Variants in ZPLD1 observed in about 807,000 individuals in gnomAD.
ZPLD1 encodes zona pellucida-like domain-containing protein 1.
A neutral mutation model predicts 47.2 loss-of-function variants in ZPLD1; 34 were observed. The ratio of observed to expected loss-of-function variants is 0.72; its 90% confidence interval spans 0.55 to 0.96. The LOEUF is 0.96. Among genes scored for constraint, ZPLD1 ranks in the 40% least tolerant of loss-of-function variants. The pLI is 0.00. For synonymous variants in ZPLD1, 176 were observed against 186.2 expected (o/e 0.95, Z 0.45); for missense variants, 512 against 505.8 (o/e 1.01, Z -0.12).
intron 6 of ZPLD1, among the ~76,000 whole-genome samples, chr3:102,388,306 C>T (rs888161741): frequency 6.6e-6 from 1 of 151,956 alleles, no homozygotes; most frequent in African/African-American, 2.4e-5. Flanking sequence ...TGTATATTTT[C>T]TCTCATATTT....
At chr3:102,400,362 A>T (rs1706605717) in intron 7 of ZPLD1, among the ~76,000 whole-genome samples, 1 of 152,080 alleles carries the variant, frequency 6.6e-6, no homozygotes, top group Admixed American at 6.6e-5. Context: ...TAACTAAAGG[A>T]TGAGTCGTAG....
chr3:102,411,578 T>C (rs1297086218), intron 7 of ZPLD1, among the ~76,000 whole-genome samples: 2 of 151,822 alleles, frequency 1.3e-5, no homozygotes, highest in Non-Finnish European at 2.9e-5. Context: ...TATGATTCTA[T>C]CATCTGTATT....
chr3:102,468,680 G>T (rs1173621354), intron 8 of ZPLD1, among the ~76,000 whole-genome samples: 1 of 152,130 alleles, frequency 6.6e-6, no homozygotes, highest in Admixed American at 6.5e-5. Context: ...CCTCTGGCAG[G>T]TTTCTATGTA....
upstream of ZPLD1, among the ~76,000 whole-genome samples, chr3:102,433,010 A>G (rs558201798): frequency 1.3e-5 from 2 of 152,304 alleles, no homozygotes; most frequent in Admixed American, 6.5e-5. Flanking sequence ...AATATACTCT[A>G]TATTTTACTT....
At chr3:102,426,286 G>C (rs112469037) in intron 8 of ZPLD1, among the ~76,000 whole-genome samples, 1 of 152,134 alleles carries the variant, frequency 6.6e-6, no homozygotes, top group Non-Finnish European at 1.5e-5. Flanking sequence ...GGGAGGCTGA[G>C]GCAGGTAGTT....
At chr3:102,394,493 A>G (rs1437531771) in intron 7 of ZPLD1, among the ~76,000 whole-genome samples, 1 of 152,126 alleles carries the variant, frequency 6.6e-6, no homozygotes, top group East Asian at 1.9e-4. Context: ...TAAAAGTTTC[A>G]TTGACATAGA....
chr3:102,459,005 G>C lies in ZPLD1; in HGVS notation c.582+1152G>C, dbSNP rs192604456. ...CTCGGGAGGCTGAGGCAGGAGAATGGCGTGAACCCGGGAGGCGGAGGTTGC... is the reference window on the plus strand; with the variant it reads ...CTCGGGAGGCTGAGGCAGGAGAATGCCGTGAACCCGGGAGGCGGAGGTTGC... On this transcript the variant is annotated intron_variant, in intron 6 of 11. Transcript: ENST00000466937. Among the ~76,000 whole-genome samples, 5 of 150,686 alleles carry C rather than the reference G, an allele frequency of 3.3e-5. No homozygotes were observed. The East Asian group carries it at 9.8e-4, about 29-fold the overall frequency.
rs1350113763 is a variant in ZPLD1 at position 102,479,458 on chromosome 3, G to A, written c.*1840G>A. The A allele has an allele frequency of 2.0e-5, 3 of 152,106 alleles. No individual in the cohort carries two copies. Among genetic ancestry groups the A allele is most frequent in the African/African-American group, 7.2e-5 (3 of 41,414 alleles). 9.4% of individuals were successfully genotyped at this position (152,106 alleles called of 1,614,324 possible). ...GCTGTTTTGTCAATTTGATTTTTAT[G>A]CTTTTGGAACGGCTGCTGTTTCAGC... is the stretch of plus-strand genomic sequence containing the variant. On this transcript the variant is annotated 3_prime_UTR_variant, in exon 12 of 12. Coordinates refer to ENST00000466937, the MANE Select transcript of ZPLD1 (RefSeq NM_001329788.2).
chr3:102,466,381 A>C (rs1201142856), intron 8 of ZPLD1, among the ~76,000 whole-genome samples: 5 of 152,200 alleles, frequency 3.3e-5, no homozygotes, highest in African/African-American at 9.7e-5. Context: ...AATGATAAAC[A>C]GATGCAGGTA....
intron 7 of ZPLD1, among the ~76,000 whole-genome samples, chr3:102,413,588 A>G (rs1706770328): frequency 1.3e-5 from 2 of 151,764 alleles, no homozygotes; most frequent in Non-Finnish European, 2.9e-5. Flanking sequence ...TATACATGCA[A>G]CTTTGATGCT....
chr3:102,474,594 G>GT (rs201866744), intron 10 of ZPLD1, among the ~76,000 whole-genome samples: 64 of 151,864 alleles, frequency 4.2e-4, no homozygotes, highest in African/African-American at 9.2e-4. Context: ...GGTTATTAAA[G>GT]TTTTTTAAAA....
chr3:102,391,224 G>T (rs1310856602), intron 6 of ZPLD1, among the ~76,000 whole-genome samples: 1 of 152,098 alleles, frequency 6.6e-6, no homozygotes, highest in Non-Finnish European at 1.5e-5. Flanking sequence ...TATTTAAAAA[G>T]ATTCTCTAAG....
intron 3 of ZPLD1, among the ~76,000 whole-genome samples, chr3:102,444,237 A>C (rs1707222845): frequency 6.6e-6 from 1 of 152,216 alleles, no homozygotes; most frequent in South Asian, 2.1e-4. Flanking sequence ...TGTGATTATA[A>C]GTCTGCAAAG....
intron 1 of ZPLD1, among the ~76,000 whole-genome samples, chr3:102,435,637 A>ATTTTTTT (rs60085952): frequency 2.6e-5 from 3 of 117,380 alleles, no homozygotes; most frequent in Non-Finnish European, 3.4e-5. Flanking sequence ...CATCATCTTG[A>ATTTTTTT]TTTTTTTTTT....
At chr3:102,457,982 AT>A in intron 6 of ZPLD1, 129 bp downstream of exon 6, 1 of 780,844 alleles carries the variant, frequency 1.3e-6, no homozygotes, top group East Asian at 2.7e-5. Context: ...ACATTTATCT[AT>A]TTTTGCTACC....
intron 8 of ZPLD1, among the ~76,000 whole-genome samples, chr3:102,420,616 A>G (rs368443479): frequency 6.6e-6 from 1 of 151,914 alleles, no homozygotes; most frequent in Non-Finnish European, 1.5e-5. Context: ...TTTTTTTTCA[A>G]CCATTTGAAA....
At chr3:102,387,903 C>T (rs1368004906) in intron 6 of ZPLD1, among the ~76,000 whole-genome samples, 1 of 147,856 alleles carries the variant, frequency 6.8e-6, no homozygotes, top group East Asian at 2.0e-4. Context: ...CTCTGTCGCC[C>T]AGGCTGGAGT....
intron 7 of ZPLD1, among the ~76,000 whole-genome samples, chr3:102,399,933 C>T (rs1208986586): frequency 6.6e-6 from 1 of 151,944 alleles, no homozygotes; most frequent in African/African-American, 2.4e-5. Context: ...ATTCTCGTGC[C>T]TCAGTATCCT....
At chr3:102,469,166 G>A in intron 9 of ZPLD1, 31 bp downstream of exon 9, 1 of 1,594,762 alleles carries the variant, frequency 6.3e-7, no homozygotes. Context: ...ATTTTAAGTT[G>A]TTGAATTGAT....
Sources: gnomAD v4.1 joint callset for allele counts (sites outside exome capture counted in the v4.1 genomes callset) on GRCh38, gnomAD v4.1.1 for gene constraint, MANE v1.5 for transcripts, NCBI Gene and HGNC (gene_info 2026-07-23, HGNC 2026-07-21) for gene names.